Variants in ZFYVE9 observed in about 807,000 individuals in gnomAD.
ZFYVE9 encodes zinc finger FYVE-type containing 9.
A neutral mutation model predicts 126.7 loss-of-function variants in ZFYVE9; 43 were observed. The observed-to-expected ratio is 0.34, with a 90% confidence interval of 0.27 to 0.44. The LOEUF is 0.44. Ranked by LOEUF, ZFYVE9 falls within the 20% of genes least tolerant of loss-of-function variation. ZFYVE9 has a pLI of 1.00. For synonymous variants in ZFYVE9, 521 were observed against 597.4 expected, an observed-to-expected ratio of 0.87 and a Z score of 1.87; for missense variants, 1,476 against 1,697.0, an observed-to-expected ratio of 0.87 and a Z score of 2.29.
At position 52,175,134 on chromosome 1, in the gene ZFYVE9, G is replaced by A. The variant is rs553027714; in HGVS notation, c.-143+32731G>A. Among the ~76,000 whole-genome samples, 9 of 152,078 alleles carry A rather than the reference G, an allele frequency of 5.9e-5. No individual in the cohort carries two copies. In the South Asian group the frequency reaches 6.3e-4, roughly 11 times the overall value. Reference sequence around the variant, plus strand: ...TTACATTTTGGCATGATTTTGCAGCGGCTGGTACTGGTTGTTCCTTTCCAT... The same window carrying A: ...TTACATTTTGGCATGATTTTGCAGCAGCTGGTACTGGTTGTTCCTTTCCAT... On this transcript the variant is annotated intron_variant, in intron 1 of 18. Transcript: ENST00000287727.
chr1:52,345,807 A>G (rs980290411), intron 18 of ZFYVE9: 1 of 354,274 alleles, frequency 2.8e-6, no homozygotes. Flanking sequence ...ACACACCTCT[A>G]CCCTTCCCCA....
At chr1:52,146,321 T>C (rs1476546068) in intron 1 of ZFYVE9, among the ~76,000 whole-genome samples, 2 of 152,154 alleles carry the variant, frequency 1.3e-5, no homozygotes, top group African/African-American at 4.8e-5. Context: ...TAATAATCAT[T>C]GGAAAAGATG....
chr1:52,308,271 C>G (rs1307380293), intron 13 of ZFYVE9, among the ~76,000 whole-genome samples: 2 of 152,104 alleles, frequency 1.3e-5, no homozygotes, highest in Non-Finnish European at 2.9e-5. Flanking sequence ...GTCTCAACTT[C>G]CTGGGCTCAA....
chr1:52,274,332 A>G (rs1185848588), intron 7 of ZFYVE9, 132 bp from the exon 8 acceptor site: 1 of 1,126,056 alleles, frequency 8.9e-7, no homozygotes, highest in Non-Finnish European at 1.2e-6. Context: ...TGGGTTAATG[A>G]ATATTTTGTG....
intron 1 of ZFYVE9, among the ~76,000 whole-genome samples, chr1:52,181,243 T>G (rs536212713): frequency 6.6e-6 from 1 of 152,304 alleles, no homozygotes; most frequent in South Asian, 2.1e-4. Context: ...CTGCCACGCC[T>G]GACTGGTTTT....
At chr1:52,174,539 G>A (rs1459862013) in intron 1 of ZFYVE9, among the ~76,000 whole-genome samples, 1 of 151,922 alleles carries the variant, frequency 6.6e-6, no homozygotes, top group Non-Finnish European at 1.5e-5. Flanking sequence ...GCAGAGCTGA[G>A]TTCAATTCCT....
chr1:52,182,566 G>A (rs1644721203), intron 1 of ZFYVE9, among the ~76,000 whole-genome samples: 1 of 151,902 alleles, frequency 6.6e-6, no homozygotes, highest in Non-Finnish European at 1.5e-5. Context: ...CTTGTTAAGA[G>A]TCATCACCAC....
chr1:52,151,996 A>AT (rs573577312), intron 1 of ZFYVE9, among the ~76,000 whole-genome samples: 50 of 146,408 alleles, frequency 3.4e-4, no homozygotes, highest in African/African-American at 1.1e-3. Context: ...TATTACCCCA[A>AT]TTTTTTTTTT....
chr1:52,229,392 A>G (rs752761730), intron 2 of ZFYVE9, among the ~76,000 whole-genome samples: 10 of 152,220 alleles, frequency 6.6e-5, no homozygotes, highest in African/African-American at 9.6e-5. Flanking sequence ...GATGATTTCT[A>G]TATCTCTTCA....
intron 5 of ZFYVE9, 69 bp from the exon 6 acceptor site, chr1:52,266,586 A>G (rs188534653): frequency 8.1e-6 from 11 of 1,358,742 alleles, no homozygotes; most frequent in South Asian, 1.5e-5. Flanking sequence ...TATTTATCCA[A>G]TATTGTGGAG....
intron 13 of ZFYVE9, among the ~76,000 whole-genome samples, chr1:52,306,311 G>T (rs1286565814): frequency 6.6e-6 from 1 of 152,142 alleles, no homozygotes; most frequent in Non-Finnish European, 1.5e-5. Context: ...TCTCTGCTGA[G>T]ACCTGCAGAC....
At chr1:52,172,321 C>T (rs1290294711) in intron 1 of ZFYVE9, among the ~76,000 whole-genome samples, 2 of 152,078 alleles carry the variant, frequency 1.3e-5, no homozygotes, top group South Asian at 2.1e-4. Flanking sequence ...AGATATGCGG[C>T]GTTATTTCTG....
intron 2 of ZFYVE9, among the ~76,000 whole-genome samples, chr1:52,217,318 G>T (rs1572107719): frequency 6.6e-6 from 1 of 152,166 alleles, no homozygotes; most frequent in South Asian, 2.1e-4. Context: ...GGGTAAAGAA[G>T]AAATGGTTAG....
rs539087756 is a variant in ZFYVE9, at chr1:52,157,000, A to G, written c.-143+14597A>G. Among the ~76,000 whole-genome samples the G allele has an allele frequency of 3.0e-3, 456 of 151,768 alleles. 2 individuals are homozygous for G. Among genetic ancestry groups the G allele is most frequent in the African/African-American group, 0.01 (433 of 41,378 alleles). ...GGCGCCCGCCACCTCGCCCGGCTAA[A>G]TTTTTGTATTTTTAGTAGAGACGGG... On this transcript the variant is annotated intron_variant, in intron 1 of 18. Transcript: ENST00000287727.
At chr1:52,220,837 A>T (rs1166510630) in intron 2 of ZFYVE9, among the ~76,000 whole-genome samples, 1 of 152,178 alleles carries the variant, frequency 6.6e-6, no homozygotes, top group African/African-American at 2.4e-5. Flanking sequence ...AAAGGGATAG[A>T]TGGAAAATGG....
Position 52,284,721 on chromosome 1 carries a change from G to A in ZFYVE9, c.3025+2905G>A, listed in dbSNP as rs535312009. On this transcript the variant is annotated intron_variant, in intron 10 of 18. Coordinates refer to ENST00000287727, the MANE Select transcript of ZFYVE9 (RefSeq NM_004799.4). ...GGCGTGAGCCACCGCGCCCAGCAAT[G>A]GTTATTTTTTTAAAAAGGATACTTA... 7.2e-5 allele frequency among the ~76,000 whole-genome samples: 11 copies of A among 151,988 alleles called. No individual in the cohort carries two copies. In the South Asian group the frequency reaches 8.3e-4, roughly 12 times the overall value.
In ZFYVE9 at chr1:52,337,894, C is replaced by T. The variant is rs1164769133; in HGVS notation, c.3793C>T (p.His1265Tyr). The change falls in exon 16 of 19, where the codon CAC (histidine) becomes TAC (tyrosine). Residue 1265 changes from histidine to tyrosine, a missense_variant. Physicochemically the swap from His to Tyr is moderately conservative, Grantham distance 83. Coordinates refer to ENST00000287727, the MANE Select transcript of ZFYVE9 (RefSeq NM_004799.4). ...ADAEEPQEHI[H>Y]IQWVDDDKNV... ...CGCGGAGGAACCCCAGGAGCACATCCACATCCAGTGGGTGGATGATGACAA... is the reference window on the plus strand; with the variant it reads ...CGCGGAGGAACCCCAGGAGCACATCTACATCCAGTGGGTGGATGATGACAA... The T allele has an allele frequency of 6.2e-7, 1 of 1,614,070 alleles. No individual in the cohort carries two copies. The highest frequency in any genetic ancestry group is 2.2e-5 in the East Asian group (1 of 44,896).
intron 10 of ZFYVE9, among the ~76,000 whole-genome samples, chr1:52,290,113 A>C (rs929699881): frequency 6.6e-6 from 1 of 152,230 alleles, no homozygotes; most frequent in Non-Finnish European, 1.5e-5. Flanking sequence ...TAGGTGATGA[A>C]CAGAAATGTA....
chr1:52,230,130 A>G (rs1645204670), intron 2 of ZFYVE9, among the ~76,000 whole-genome samples: 1 of 152,102 alleles, frequency 6.6e-6, no homozygotes, highest in African/African-American at 2.4e-5. Flanking sequence ...GGCCTCCCAA[A>G]GTGCTGGGAT....
Sources: gnomAD v4.1 joint callset for allele counts (sites outside exome capture counted in the v4.1 genomes callset) on GRCh38, gnomAD v4.1.1 for gene constraint, MANE v1.5 for transcripts, NCBI Gene and HGNC (gene_info 2026-07-23, HGNC 2026-07-21) for gene names.